The following SFXN4 variants were observed in gnomAD, a reference collection of about 807,000 sequenced individuals.
SFXN4 encodes sideroflexin-4.
In SFXN4, 48 loss-of-function variants were observed where a neutral mutation model predicts 54.6. That is an observed-to-expected ratio of 0.88 (90% CI 0.70 to 1.12). The LOEUF (loss-of-function observed/expected upper bound fraction) is 1.12, where lower values mean the gene tolerates loss of function less well. SFXN4 is among the 50% of genes most tolerant of loss of function. SFXN4 has a pLI of 0.00. For synonymous variants in SFXN4, 130 were observed against 145.5 expected, an observed-to-expected ratio of 0.89 and a Z score of 0.77; for missense variants, 383 against 409.2, an observed-to-expected ratio of 0.94 and a Z score of 0.55.
intron 13 of SFXN4, among the ~76,000 whole-genome samples, chr10:119,143,820 T>C (rs1846663733): frequency 6.6e-6 from 1 of 152,058 alleles, no homozygotes; most frequent in Non-Finnish European, 1.5e-5. Flanking sequence ...CTCACTACAT[T>C]CCCCAGGCTG....
At chr10:119,147,338 G>A (rs377378239) in intron 12 of SFXN4, among the ~76,000 whole-genome samples, 5 of 152,188 alleles carry the variant, frequency 3.3e-5, no homozygotes, top group African/African-American at 1.2e-4. Flanking sequence ...CCTCCGCCTC[G>A]TAGGCCATTT....
chr10:119,145,567 G>A (rs1265405113), intron 13 of SFXN4, among the ~76,000 whole-genome samples: 3 of 152,082 alleles, frequency 2.0e-5, no homozygotes, highest in Non-Finnish European at 4.4e-5. Context: ...GCGTCCCAAA[G>A]TGCTGAGATT....
In SFXN4 at chr10:119,157,565, T is replaced by C. The variant is rs1847322963; in HGVS notation, c.537+103A>G. Reference sequence around the variant, plus strand: ...GTGACTTTTATTTCCTAGTCATATTTTCTAAATTGTTTAAATTGGAACATA... The same window carrying C: ...GTGACTTTTATTTCCTAGTCATATTCTCTAAATTGTTTAAATTGGAACATA... On this transcript the variant is annotated intron_variant, in intron 9 of 13. Transcript: ENST00000355697. The C allele has an allele frequency of 6.4e-6, 6 of 938,692 alleles. No homozygotes were observed. In the South Asian group the frequency reaches 1.0e-4, roughly 16 times the overall value. 58.1% of individuals were successfully genotyped at this position (938,692 alleles called of 1,614,324 possible).
At chr10:119,165,141 G>A in intron 1 of SFXN4, 2 of 946,084 alleles carry the variant, frequency 2.1e-6, no homozygotes, top group Non-Finnish European at 2.5e-6. Context: ...TCCTGCTTAT[G>A]TCCTGCCCAA....
intron 11 of SFXN4, among the ~76,000 whole-genome samples, chr10:119,149,436 G>T: frequency 6.6e-6 from 1 of 152,108 alleles, no homozygotes; most frequent in East Asian, 1.9e-4. Context: ...AGAGGAAGCC[G>T]AGGAGGGCTG....
intron 13 of SFXN4, among the ~76,000 whole-genome samples, chr10:119,144,792 T>C (rs1846718031): frequency 6.6e-6 from 1 of 152,206 alleles, no homozygotes; most frequent in African/African-American, 2.4e-5. Context: ...ATTTAAAATT[T>C]AACTTAATTT....
chr10:119,161,767 A>T (rs934374595), intron 3 of SFXN4, among the ~76,000 whole-genome samples: 2 of 152,190 alleles, frequency 1.3e-5, no homozygotes, highest in African/African-American at 4.8e-5. Context: ...CTGTGTGCTG[A>T]TGACACACCA....
chr10:119,142,101 T>G (rs1846552947), intron 13 of SFXN4, among the ~76,000 whole-genome samples: 1 of 152,124 alleles, frequency 6.6e-6, no homozygotes, highest in South Asian at 2.1e-4. Flanking sequence ...CTTGGGGGGC[T>G]GAGGTCAGAG....
chr10:119,159,483 G>A (rs187310284), intron 6 of SFXN4, among the ~76,000 whole-genome samples: 2 of 152,250 alleles, frequency 1.3e-5, no homozygotes, highest in Admixed American at 1.3e-4. Flanking sequence ...GAAAAGGGAT[G>A]ACCTTGCCAA....
At chr10:119,163,795 C>T (rs1157271293) in intron 2 of SFXN4, among the ~76,000 whole-genome samples, 1 of 151,964 alleles carries the variant, frequency 6.6e-6, no homozygotes, top group Admixed American at 6.6e-5. Context: ...ATTTCAACTG[C>T]TTTTAAAAGG....
At chr10:119,157,844 A>T (rs1434841627) in intron 8 of SFXN4, 27 bp downstream of exon 8, 2 of 1,613,318 alleles carry the variant, frequency 1.2e-6, no homozygotes, top group South Asian at 2.2e-5. Context: ...ACAAAACCCC[A>T]CACTCTCTGG....
At chr10:119,160,710 C>T (rs1357135529) in intron 5 of SFXN4, among the ~76,000 whole-genome samples, 3 of 151,538 alleles carry the variant, frequency 2.0e-5, no homozygotes, top group Non-Finnish European at 4.4e-5. Flanking sequence ...ATTCTCCTGC[C>T]TCAGCCTCCT....
intron 12 of SFXN4, 87 bp downstream of exon 12, chr10:119,147,688 C>T (rs1212913559): frequency 8.7e-7 from 1 of 1,149,390 alleles, no homozygotes; most frequent in Admixed American, 1.9e-5. Context: ...CAACTTCTCC[C>T]CACCCTCCAC....
intron 5 of SFXN4, among the ~76,000 whole-genome samples, chr10:119,160,649 G>T (rs1374517874): frequency 6.9e-6 from 1 of 145,282 alleles, no homozygotes; most frequent in Non-Finnish European, 1.5e-5. Context: ...GAGCGCAATG[G>T]CATGATCTCA....
At chr10:119,162,225 AAAAG>A in intron 3 of SFXN4, 111 bp downstream of exon 3, 1 of 800,900 alleles carries the variant, frequency 1.2e-6, no homozygotes, top group Non-Finnish European at 2.1e-6. Flanking sequence ...AGGGAAGGAA[AAAAG>A]AAAGAAAAGA....
At chr10:119,165,158 C>G in intron 1 of SFXN4, 1 of 1,016,390 alleles carries the variant, frequency 9.8e-7, no homozygotes, top group Non-Finnish European at 1.2e-6. Context: ...CCAAGGGTGG[C>G]TTCCCAAAGC....
In SFXN4 at chr10:119,145,304, T is replaced by TCCTC. The variant is rs1554885533; in HGVS notation, c.936+931_936+932insGAGG. 7.9e-3 allele frequency among the ~76,000 whole-genome samples: 1,147 copies of TCCTC among 145,774 alleles called. 12 individuals are homozygous for TCCTC. The highest frequency in any genetic ancestry group is 0.027 in the African/African-American group (1,068 of 39,166). On this transcript the variant is annotated intron_variant, in intron 13 of 13. Transcript: ENST00000355697. ...CTTAATAAACAGTAAATATATTTTTTCTTATGATTTTTTTTTTTTTTTTTT... is the reference window on the plus strand; with the variant it reads ...CTTAATAAACAGTAAATATATTTTTTCCTCCTTATGATTTTTTTTTTTTTTTTTT...
chr10:119,159,514 C>G (rs1297810252), intron 6 of SFXN4, among the ~76,000 whole-genome samples: 1 of 149,318 alleles, frequency 6.7e-6, no homozygotes, highest in Non-Finnish European at 1.5e-5. Context: ...TTCCAGAGGC[C>G]CGGATGCCTG....
intron 13 of SFXN4, among the ~76,000 whole-genome samples, chr10:119,145,120 T>C (rs933734179): frequency 2.6e-5 from 4 of 152,136 alleles, no homozygotes; most frequent in Non-Finnish European, 2.9e-5. Context: ...CCTTGAATAA[T>C]GCAGGTTTGA....
Sources: gnomAD v4.1 joint callset for allele counts (sites outside exome capture counted in the v4.1 genomes callset) on GRCh38, gnomAD v4.1.1 for gene constraint, MANE v1.5 for transcripts, NCBI Gene and HGNC (gene_info 2026-07-23, HGNC 2026-07-21) for gene names.